Variants in DUSP12 observed in about 807,000 individuals in gnomAD.
DUSP12 encodes dual specificity protein phosphatase 12.
DUSP12 carries 25 observed loss-of-function variants against 38.9 expected under a neutral mutation model. The ratio of observed to expected loss-of-function variants is 0.64; its 90% CI spans 0.47 to 0.90. The LOEUF (loss-of-function observed/expected upper bound fraction) is 0.90, where lower values mean the gene tolerates loss of function less well. DUSP12 is among the 40% of genes least tolerant of loss of function. The pLI, the probability that DUSP12 is intolerant of heterozygous loss-of-function variation, is 0.00. For missense variants in DUSP12, 403 were observed against 427.0 expected (o/e 0.94, Z 0.50); for synonymous variants, 153 against 153.9 (o/e 0.99, Z 0.05).
intron 1 of DUSP12, 102 bp downstream of exon 1, chr1:161,750,247 T>C (rs1309859705): frequency 1.5e-6 from 2 of 1,325,284 alleles, no homozygotes; most frequent in African/African-American, 3.0e-5. Context: ...AGCGCGGTCA[T>C]GCCGCGTGAA....
Position 161,751,783 on chromosome 1 carries a change from TG to T in DUSP12, c.458+5del, listed in dbSNP as rs1240073463. ...CCAGATTCTCAAACCAGAGGCTAAG[TG>T]GGTTCTTTTTTTATAGTAATAATTA... is the stretch of plus-strand genomic sequence containing the variant. On this transcript the variant is annotated splice_donor_region_variant and intron_variant, in intron 2 of 5. Transcript: ENST00000367943. The T allele has an allele frequency of 6.2e-7, 1 of 1,605,424 alleles. No individual in the cohort carries two copies. Among genetic ancestry groups the T allele is most frequent in the Non-Finnish European group, 8.5e-7 (1 of 1,177,860 alleles).
At chr1:161,755,602 T>G (rs1021696336) in intron 5 of DUSP12, among the ~76,000 whole-genome samples, 1 of 152,198 alleles carries the variant, frequency 6.6e-6, no homozygotes, top group Non-Finnish European at 1.5e-5. Flanking sequence ...TCAACCACCA[T>G]CTTTATATAT....
At chr1:161,756,304 CT>C (rs1684107421) in intron 5 of DUSP12, among the ~76,000 whole-genome samples, 1 of 151,852 alleles carries the variant, frequency 6.6e-6, no homozygotes, top group African/African-American at 2.4e-5. Context: ...CCTTATTAGG[CT>C]TTTTTGATTT....
Position 161,751,498 on chromosome 1 carries a change from A to G in DUSP12, c.345-170A>G, listed in dbSNP as rs143293402. 133 of 787,474 alleles carry G rather than the reference A, an allele frequency of 1.7e-4. No homozygotes were observed. The African/African-American group carries it at 1.9e-3, about 11-fold the overall frequency. 48.8% of individuals were successfully genotyped at this position (787,474 alleles called of 1,614,324 possible). ...TCACGTGGTTCAGAATTCAAAAGGAAAAAGGAATAATTATTTTGTACCTTG... is the reference window on the plus strand; with the variant it reads ...TCACGTGGTTCAGAATTCAAAAGGAGAAAGGAATAATTATTTTGTACCTTG... On this transcript the variant is annotated intron_variant, in intron 1 of 5. Transcript: ENST00000367943.
At chr1:161,750,337 TTTCA>T (rs1173023795) in intron 1 of DUSP12, among the ~76,000 whole-genome samples, 192 bp downstream of exon 1, 1 of 152,210 alleles carries the variant, frequency 6.6e-6, no homozygotes, top group African/African-American at 2.4e-5. Flanking sequence ...GTGTGCAGGC[TTTCA>T]TTCATTCATG....
intron 5 of DUSP12, among the ~76,000 whole-genome samples, chr1:161,754,475 T>C (rs1165335565): frequency 6.6e-6 from 1 of 152,186 alleles, no homozygotes; most frequent in Non-Finnish European, 1.5e-5. Flanking sequence ...CACACTGCCA[T>C]AAAGATAGTA....
Position 161,752,450 on chromosome 1 carries a change from G to C in DUSP12, c.660G>C (p.Lys220Asn). ...SQGLKDEVLY[K>N]CRKCRRSLFR... ...GATTGAAAGATGAGGTTCTCTACAA[G>C]TGTAGAAAGTGCAGGTAAACTATTT... The change falls in exon 4 of 6, where the codon AAG becomes AAC. Residue 220 changes from lysine (K) to asparagine (N), a missense_variant. Physicochemically the swap from Lys to Asn is moderately conservative, Grantham distance 94 (BLOSUM62 0). Coordinates refer to ENST00000367943, the MANE Select transcript of DUSP12 (RefSeq NM_007240.3). 2 of 1,608,226 alleles carry C rather than the reference G, an allele frequency of 1.2e-6. No homozygotes were observed. The highest frequency in any genetic ancestry group is 1.7e-6 in the Non-Finnish European group (2 of 1,175,522).
At chr1:161,755,916 G>A (rs1284998863) in intron 5 of DUSP12, among the ~76,000 whole-genome samples, 1 of 152,102 alleles carries the variant, frequency 6.6e-6, no homozygotes, top group East Asian at 1.9e-4. Context: ...GAGTGCAGTG[G>A]TGTGATCTTG....
chr1:161,752,315 G>T, intron 3 of DUSP12, 53 bp from the exon 4 acceptor site: 1 of 1,279,190 alleles, frequency 7.8e-7, no homozygotes, highest in Non-Finnish European at 1.1e-6. Flanking sequence ...GAATTTATCT[G>T]AAAATGCAGA....
chr1:161,749,873 C>G lies in DUSP12; in HGVS notation c.72C>G (p.Ala24=). 1.2e-6 allele frequency: 2 copies of G among 1,611,208 alleles called. No individual in the cohort carries two copies. Among genetic ancestry groups the G allele is most frequent in the South Asian group, 1.1e-5 (1 of 90,732 alleles). Residue 24 remains alanine, a synonymous_variant, in exon 1 of 6, where the codon GCC becomes GCG. Transcript: ENST00000367943. ...CCAGCGCCAGCAGAGTCAGCTGTGC[C>G]GGGCAGATGCTGGAAGTGCAGCCAG... ...SNPSASRVSC[A]GQMLEVQPGL...
chr1:161,755,930 C>T (rs1343470890), intron 5 of DUSP12, among the ~76,000 whole-genome samples: 2 of 152,056 alleles, frequency 1.3e-5, no homozygotes, highest in Admixed American at 1.3e-4. Flanking sequence ...GATCTTGGCT[C>T]ACTGCAACCT....
intron 3 of DUSP12, 118 bp from the exon 4 acceptor site, chr1:161,752,250 T>G: frequency 2.4e-6 from 2 of 820,336 alleles, no homozygotes; most frequent in Non-Finnish European, 3.9e-6. Context: ...AATTTGATTT[T>G]TTTTTTTTTT....
intron 5 of DUSP12, 68 bp from the exon 6 acceptor site, chr1:161,756,718 T>C: frequency 6.4e-7 from 1 of 1,559,690 alleles, no homozygotes; most frequent in African/African-American, 1.4e-5. Flanking sequence ...CCTATATTGA[T>C]TGCCAAAGAT....
chr1:161,752,674 C>T (rs919711171), intron 4 of DUSP12, among the ~76,000 whole-genome samples: 1 of 152,076 alleles, frequency 6.6e-6, no homozygotes, highest in African/African-American at 2.4e-5. Flanking sequence ...ATCAATGTTA[C>T]ATTATTTTGT....
chr1:161,755,145 G>A (rs892712118), intron 5 of DUSP12, among the ~76,000 whole-genome samples: 6 of 152,072 alleles, frequency 3.9e-5, no homozygotes, highest in African/African-American at 1.4e-4. Flanking sequence ...TCCCATTCTT[G>A]ATGGTATTAT....
At chr1:161,755,018 C>T (rs1006080058) in intron 5 of DUSP12, among the ~76,000 whole-genome samples, 33 of 152,020 alleles carry the variant, frequency 2.2e-4, no homozygotes, top group African/African-American at 6.8e-4. Context: ...TTAGTAGAGA[C>T]GGGGTTTTTC....
intron 5 of DUSP12, among the ~76,000 whole-genome samples, chr1:161,753,727 AAAAG>A (rs1255787322): frequency 7.0e-6 from 1 of 142,216 alleles, no homozygotes; most frequent in Non-Finnish European, 1.6e-5. Flanking sequence ...TAATAAGAAA[AAAAG>A]AAAAGAAAAA....
At position 161,753,175 on chromosome 1, in the gene DUSP12, A is replaced by C; in HGVS notation, c.775A>C (p.Thr259Pro). Residue 259 changes from threonine to proline, a missense_variant, in exon 5 of 6, where the codon ACA becomes CCA. Transcript: ENST00000367943. ...KRMTPSSMLTTGRQAQCTSYF... is the reference protein window; with the variant it reads ...KRMTPSSMLTPGRQAQCTSYF... The stretch of plus-strand genomic sequence containing the variant: ...AATGACACCATCTTCCATGCTTACC[A>C]CAGGGAGGCAAGCTCAATGTACATC... The C allele has an allele frequency of 6.2e-7, 1 of 1,614,046 alleles. No individual in the cohort carries two copies. The highest frequency in any genetic ancestry group is 1.1e-5 in the South Asian group (1 of 91,066).
rs1683992466 is a variant in DUSP12 at position 161,750,147 on chromosome 1, T to A, written c.344+2T>A. The stretch of plus-strand genomic sequence containing the variant: ...GGGCCGTGCGGTGTTGGTGCACTGG[T>A]GAGTGGCCGGGTCAGTGGGTGACGT... On this transcript the variant is annotated splice_donor_variant, in intron 1 of 5. Coordinates refer to ENST00000367943, the MANE Select transcript of DUSP12 (RefSeq NM_007240.3). LOFTEE classifies it high-confidence loss of function. 1 of 1,608,474 alleles carries A rather than the reference T, an allele frequency of 6.2e-7. No homozygotes were observed. Among genetic ancestry groups the A allele is most frequent in the Non-Finnish European group, 8.5e-7 (1 of 1,178,224 alleles).
Sources: allele counts gnomAD v4.1 joint callset (sites outside exome capture counted in the v4.1 genomes callset), GRCh38; gene constraint gnomAD v4.1.1; transcripts MANE v1.5; gene names NCBI Gene and HGNC (gene_info 2026-07-23, HGNC 2026-07-21).